The following OR2L2 variants were observed in gnomAD, a reference collection of about 807,000 sequenced individuals.
The protein encoded by OR2L2 is olfactory receptor 2L2.
For missense variants in OR2L2, 378 were observed against 375.2 expected, an observed-to-expected ratio of 1.01 and a Z score of -0.06; for synonymous variants, 156 against 135.4, an observed-to-expected ratio of 1.15 and a Z score of -1.06.
Position 248,039,809 on chromosome 1 carries a change from T to C in OR2L2, c.*603T>C, listed in dbSNP as rs1662892993. On this transcript the variant is annotated 3_prime_UTR_variant, in exon 3 of 3. Transcript: ENST00000641771. The stretch of plus-strand genomic sequence containing the variant: ...CTAATTGAATATTAAATAGTTTTTA[T>C]TTACTCTCAACTGGTATGTATGTCT... 6.6e-6 allele frequency: 1 copy of C among 152,214 alleles called. No individual in the cohort carries two copies. Among genetic ancestry groups the C allele is most frequent in the Non-Finnish European group, 1.5e-5 (1 of 68,040 alleles). 9.4% of individuals were successfully genotyped at this position (152,214 alleles called of 1,614,324 possible). A position where few individuals can be genotyped will look rare whatever the true frequency, so the allele number is the denominator to read the frequency against.
Position 248,031,536 on chromosome 1 carries a change from G to T in OR2L2, c.-97+1301G>T, listed in dbSNP as rs1317914466. 1.3e-5 allele frequency among the ~76,000 whole-genome samples: 2 copies of T among 152,204 alleles called. 1 individual carries two copies. The highest frequency in any genetic ancestry group is 4.8e-5 in the African/African-American group (2 of 41,444). Reference sequence around the variant, plus strand: ...TCTTGGTGTGAATGACATGCAGGGGGTGAGGAGATGGGGTCCAGTGACTTG... The same window carrying T: ...TCTTGGTGTGAATGACATGCAGGGGTTGAGGAGATGGGGTCCAGTGACTTG... On this transcript the variant is annotated intron_variant, in intron 1 of 2. Coordinates refer to ENST00000641771, the MANE Select transcript of OR2L2 (RefSeq NM_001385855.1).
In OR2L2 at chr1:248,036,245, G is replaced by T. The variant is rs564906852; in HGVS notation, c.-22+621G>T. Among the ~76,000 whole-genome samples the T allele has an allele frequency of 2.7e-3, 412 of 150,648 alleles. 1 individual carries two copies. Among genetic ancestry groups the T allele is most frequent in the Middle Eastern group, 0.01 (3 of 294 alleles). On this transcript the variant is annotated intron_variant, in intron 2 of 2. Coordinates refer to ENST00000641771, the MANE Select transcript of OR2L2 (RefSeq NM_001385855.1). ...ATTTTTGTCTCTTCTAATCTTTTCA[G>T]TTTTTTTTTCCTTCTGATAGATTTT... is the stretch of plus-strand genomic sequence containing the variant.
In OR2L2 at chr1:248,040,541, C is replaced by A. The variant is rs1662921379; in HGVS notation, c.*1335C>A. 1 of 152,222 alleles carries A rather than the reference C, an allele frequency of 6.6e-6. No homozygotes were observed. Among genetic ancestry groups the A allele is most frequent in the Non-Finnish European group, 1.5e-5 (1 of 68,046 alleles). The allele number at this position is 152,222 out of a possible 1,614,324, so 9.4% of individuals were successfully genotyped here. On this transcript the variant is annotated 3_prime_UTR_variant, in exon 3 of 3. Transcript: ENST00000641771. ...CGCCTCAGCCCACTCAACGTGAAGA[C>A]AACAATGATGAAGAACTTTATGACA...
At chr1:248,034,412 A>G (rs1662699916) in intron 1 of OR2L2, among the ~76,000 whole-genome samples, 1 of 150,958 alleles carries the variant, frequency 6.6e-6, no homozygotes, top group African/African-American at 2.5e-5. Flanking sequence ...CAGTTTTTCA[A>G]TTTTGTCCTT....
chr1:248,039,362 A>G lies in OR2L2; in HGVS notation c.*156A>G, dbSNP rs1159327292. On this transcript the variant is annotated 3_prime_UTR_variant, in exon 3 of 3. Transcript: ENST00000641771. ...TTTAGTCTTGACAATATTATAATACATATTAATACATATTCTAAGACATCT... is the reference window on the plus strand; with the variant it reads ...TTTAGTCTTGACAATATTATAATACGTATTAATACATATTCTAAGACATCT... 3.6e-6 allele frequency: 2 copies of G among 552,836 alleles called. No homozygotes were observed. The highest frequency in any genetic ancestry group is 3.4e-5 in the South Asian group (1 of 29,390). The allele number at this position is 552,836 out of a possible 1,614,324, so 34.2% of individuals were successfully genotyped here.
At chr1:248,035,041 TATCTTTCC>T (rs1172977712) in intron 1 of OR2L2, among the ~76,000 whole-genome samples, 4 of 152,040 alleles carry the variant, frequency 2.6e-5, no homozygotes, top group African/African-American at 9.7e-5. Flanking sequence ...ATAACATATT[TATCTTTCC>T]CTTTTTTTTT....
At chr1:248,036,690 G>C (rs2103094177) in intron 2 of OR2L2, among the ~76,000 whole-genome samples, 1 of 152,244 alleles carries the variant, frequency 6.6e-6, no homozygotes, top group Middle Eastern at 3.4e-3. Flanking sequence ...GTTGTCCAGT[G>C]ATGTCTTCTA....
rs754541459 is a variant in OR2L2 at position 248,038,521 on chromosome 1, T to C, written c.254T>C (p.Leu85Pro). The change falls in exon 3 of 3, where the codon CTG becomes CCG. Residue 85 changes from leucine to proline, a missense_variant. Transcript: ENST00000641771. The part of the protein sequence containing the change: ...TIVPKMVYDF[L>P]YGNKSISFTG... ...GTTCCAAAGATGGTTTATGATTTTCTGTATGGAAACAAGTCTATCTCCTTC... is the reference window on the plus strand; with the variant it reads ...GTTCCAAAGATGGTTTATGATTTTCCGTATGGAAACAAGTCTATCTCCTTC... 21 of 1,614,198 alleles carry C rather than the reference T, an allele frequency of 1.3e-5. No individual in the cohort carries two copies. Among genetic ancestry groups the C allele is most frequent in the South Asian group, 6.6e-5 (6 of 91,086 alleles).
chr1:248,041,163 A>G lies in OR2L2; in HGVS notation c.*1957A>G, dbSNP rs910822638. 2.0e-5 allele frequency: 3 copies of G among 152,220 alleles called. No individual in the cohort carries two copies. The highest frequency in any genetic ancestry group is 4.4e-5 in the Non-Finnish European group (3 of 68,038). 9.4% of individuals were successfully genotyped at this position (152,220 alleles called of 1,614,324 possible). A position where few individuals can be genotyped will look rare whatever the true frequency, so the allele number is the denominator to read the frequency against. ...ATGGTACTGGTACCAAAACAGAAAT[A>G]TAGATCAATGCAACAGAACAGAGCC... On this transcript the variant is annotated 3_prime_UTR_variant, in exon 3 of 3. Coordinates refer to ENST00000641771, the MANE Select transcript of OR2L2 (RefSeq NM_001385855.1).
rs1199550445 is a variant in OR2L2, at chr1:248,041,000, TTCTTC to T, written c.*1797_*1801del. ...TATAGAATGGCAAATGTTTATGACTTTCTTCTCCTCTAATTTAAATTAAGTAGAAT... is the reference window on the plus strand; with the variant it reads ...TATAGAATGGCAAATGTTTATGACTTTCCTCTAATTTAAATTAAGTAGAAT... On this transcript the variant is annotated 3_prime_UTR_variant, in exon 3 of 3. Coordinates refer to ENST00000641771, the MANE Select transcript of OR2L2 (RefSeq NM_001385855.1). 6.6e-6 allele frequency: 1 copy of T among 152,214 alleles called. No homozygotes were observed. Among genetic ancestry groups the T allele is most frequent in the Non-Finnish European group, 1.5e-5 (1 of 68,024 alleles). 9.4% of individuals were successfully genotyped at this position (152,214 alleles called of 1,614,324 possible). A position where few individuals can be genotyped will look rare whatever the true frequency, so the allele number is the denominator to read the frequency against.
chr1:248,038,954 T>C lies in OR2L2; in HGVS notation c.687T>C (p.Ser229=). The change falls in exon 3 of 3, where the codon TCT becomes TCC. Residue 229 remains serine, a synonymous_variant. Coordinates refer to ENST00000641771, the MANE Select transcript of OR2L2 (RefSeq NM_001385855.1). ...RVLLAVYRMH[S]AEGRKKAYST... is the part of the protein sequence containing the mutation. ...TCCTTGCTGTCTACCGCATGCACTC[T>C]GCAGAAGGGAGGAAGAAGGCCTATT... The C allele has an allele frequency of 6.2e-7, 1 of 1,614,168 alleles. No homozygotes were observed. The highest frequency in any genetic ancestry group is 8.5e-7 in the Non-Finnish European group (1 of 1,180,024).
chr1:248,038,356 T>C lies in OR2L2; in HGVS notation c.89T>C (p.Ile30Thr), dbSNP rs370836569. ...SRIGLFVFTLIFLIFLMALIG... is the reference protein window; with the variant it reads ...SRIGLFVFTLTFLIFLMALIG... ...ATTGGCCTTTTCGTATTCACCCTCA[T>C]TTTTCTCATTTTCCTAATGGCTCTA... The change falls in exon 3 of 3, where the codon ATT (isoleucine) becomes ACT (threonine). Residue 30 changes from isoleucine to threonine, a missense_variant. Ile to Thr is a moderately conservative substitution (Grantham distance 89). Coordinates refer to ENST00000641771, the MANE Select transcript of OR2L2 (RefSeq NM_001385855.1). 6.2e-6 allele frequency: 10 copies of C among 1,613,408 alleles called. No homozygotes were observed. The African/African-American group carries it at 1.2e-4, about 19-fold the overall frequency.
chr1:248,033,659 C>T (rs1353694686), intron 1 of OR2L2, among the ~76,000 whole-genome samples: 2 of 147,740 alleles, frequency 1.4e-5, no homozygotes, highest in Non-Finnish European at 3.0e-5. Context: ...ACTGGCTGGT[C>T]TCAATGTTCT....
chr1:248,033,624 T>G (rs1301283678), intron 1 of OR2L2, among the ~76,000 whole-genome samples: 1 of 118,124 alleles, frequency 8.5e-6, no homozygotes, highest in Non-Finnish European at 1.8e-5. Flanking sequence ...TTTTTTTTTG[T>G]ACAGACAGGA....
rs1662927626 is a variant in OR2L2, at chr1:248,040,729, T to A, written c.*1523T>A. The A allele has an allele frequency of 6.6e-6, 1 of 152,234 alleles. No individual in the cohort carries two copies. The highest frequency in any genetic ancestry group is 1.5e-5 in the Non-Finnish European group (1 of 68,038). The allele number at this position is 152,234 out of a possible 1,614,324, so 9.4% of individuals were successfully genotyped here. A position where few individuals can be genotyped will look rare whatever the true frequency, so the allele number is the denominator to read the frequency against. ...TGCTTATGTTATTTGTAAGGCTTGC[T>A]GTCAATAGTAGGATATCAGTAGTTA... On this transcript the variant is annotated 3_prime_UTR_variant, in exon 3 of 3. Transcript: ENST00000641771.
chr1:248,042,133 A>G lies in OR2L2; in HGVS notation c.*2927A>G, dbSNP rs1202207001. ...ATGTCCAACGATGATAGACTGGATT[A>G]AGAAAATGTGGCACATATACACCAT... On this transcript the variant is annotated 3_prime_UTR_variant, in exon 3 of 3. Coordinates refer to ENST00000641771, the MANE Select transcript of OR2L2 (RefSeq NM_001385855.1). 1 of 152,144 alleles carries G rather than the reference A, an allele frequency of 6.6e-6. No individual in the cohort carries two copies. Among genetic ancestry groups the G allele is most frequent in the Non-Finnish European group, 1.5e-5 (1 of 68,028 alleles). 9.4% of individuals were successfully genotyped at this position (152,144 alleles called of 1,614,324 possible).
Position 248,041,541 on chromosome 1 carries a change from G to A in OR2L2, c.*2335G>A, listed in dbSNP as rs1253454998. On this transcript the variant is annotated 3_prime_UTR_variant, in exon 3 of 3. Transcript: ENST00000641771. ...AATTAAACTAAAGAGCTTCTGCACA[G>A]CAAAAGAAACTACCATCAGAGTGAA... 5 of 152,138 alleles carry A rather than the reference G, an allele frequency of 3.3e-5. No homozygotes were observed. Among genetic ancestry groups the A allele is most frequent in the African/African-American group, 1.2e-4 (5 of 41,426 alleles). The allele number at this position is 152,138 out of a possible 1,614,324, so 9.4% of individuals were successfully genotyped here.
At chr1:248,036,949 G>C (rs556203783) in intron 2 of OR2L2, among the ~76,000 whole-genome samples, 2 of 152,258 alleles carry the variant, frequency 1.3e-5, no homozygotes, top group African/African-American at 4.8e-5. Flanking sequence ...ATCTAAGCAT[G>C]AGGGAAGCAA....
intron 1 of OR2L2, among the ~76,000 whole-genome samples, chr1:248,032,967 A>C (rs1432904472): frequency 2.1e-5 from 3 of 146,270 alleles, no homozygotes; most frequent in Admixed American, 1.3e-4. Context: ...TGTCTTTACT[A>C]TGCATTTATA....
Sources: gnomAD v4.1 joint callset for allele counts (sites outside exome capture counted in the v4.1 genomes callset) on GRCh38, gnomAD v4.1.1 for gene constraint, MANE v1.5 for transcripts, NCBI Gene and HGNC (gene_info 2026-07-23, HGNC 2026-07-21) for gene names.